Variants in ZNF496 observed in about 807,000 individuals in gnomAD.
The protein encoded by ZNF496 is NSD1 (nuclear receptor binding SET-domain containing 1)-interacting zinc finger protein 1.
ZNF496 carries 11 observed loss-of-function variants against 58.9 expected under a neutral mutation model. That is an observed-to-expected ratio of 0.19 (90% CI 0.12 to 0.31). The LOEUF (loss-of-function observed/expected upper bound fraction) is 0.31. ZNF496 is among the 10% of genes least tolerant of loss of function. The probability of loss-of-function intolerance (pLI) is 1.00; values close to 1 mark genes in which losing one functional copy is unlikely to be tolerated. For synonymous variants in ZNF496, 338 were observed against 318.2 expected, an observed-to-expected ratio of 1.06 and a Z score of -0.66; for missense variants, 660 against 783.0, an observed-to-expected ratio of 0.84 and a Z score of 1.88.
intron 6 of ZNF496, among the ~76,000 whole-genome samples, chr1:247,320,058 AT>A (rs1280671052): frequency 6.6e-6 from 1 of 152,272 alleles, no homozygotes; most frequent in Non-Finnish European, 1.5e-5. Context: ...GAAAAGCTAT[AT>A]TAACATCAGA....
intron 9 of ZNF496, chr1:247,307,800 C>CA: frequency 1.0e-6 from 1 of 985,384 alleles, no homozygotes; most frequent in Non-Finnish European, 1.2e-6. Context: ...AGGTAAGAAT[C>CA]AGAGGCTTGG....
rs543739631 is a variant in ZNF496, at chr1:247,312,079, T to G, written c.652-1623A>C. 11 of 152,338 alleles carry G rather than the reference T, an allele frequency of 7.2e-5. 1 individual carries two copies. In the East Asian group the frequency reaches 9.6e-4, roughly 13 times the overall value. 9.4% of individuals were successfully genotyped at this position (152,338 alleles called of 1,614,324 possible). A position where few individuals can be genotyped will look rare whatever the true frequency, so the allele number is the denominator to read the frequency against. ...TTCTCTCCTAAACAGGCTGGCTCAC[T>G]CTTACCAACATAGGCTGACAAATAT... is the stretch of plus-strand genomic sequence containing the variant. On this transcript the variant is annotated intron_variant, in intron 6 of 9. Transcript: ENST00000682384.
At chr1:247,307,315 G>A (rs1558437682) in intron 9 of ZNF496, 1 of 985,304 alleles carries the variant, frequency 1.0e-6, no homozygotes, top group Non-Finnish European at 1.2e-6. Flanking sequence ...AGCAACCCTT[G>A]GCTTCTGGCT....
Position 247,300,276 on chromosome 1 carries a change from A to G in ZNF496, c.*243T>C. 2 of 425,660 alleles carry G rather than the reference A, an allele frequency of 4.7e-6. No homozygotes were observed. Among genetic ancestry groups the G allele is most frequent in the Non-Finnish European group, 8.3e-6 (2 of 240,372 alleles). The allele number at this position is 425,660 out of a possible 1,614,324, so 26.4% of individuals were successfully genotyped here. A position where few individuals can be genotyped will look rare whatever the true frequency, so the allele number is the denominator to read the frequency against. ...AACACCTGGCATGTCCAACCTGGTG[A>G]TGGCACATCCCCCCCGTTTTTTGGC... On this transcript the variant is annotated 3_prime_UTR_variant, in exon 10 of 10. Transcript: ENST00000682384. This position sits in a 1 kb window ranked among gnomAD's most constrained non-coding sequence, Gnocchi z 5.7.
intron 9 of ZNF496, chr1:247,306,988 G>A: frequency 3.3e-6 from 2 of 605,606 alleles, no homozygotes; most frequent in Non-Finnish European, 4.1e-6. Context: ...GCAATGTTTA[G>A]GACATAAAGA....
rs1025627063 is a variant in ZNF496, at chr1:247,300,332, T to G, written c.*187A>C. On this transcript the variant is annotated 3_prime_UTR_variant, in exon 10 of 10. Coordinates refer to ENST00000682384, the MANE Select transcript of ZNF496 (RefSeq NM_032752.3). This position sits in a 1 kb window ranked among gnomAD's most constrained non-coding sequence, Gnocchi z 5.7. ...AGAAACAGAACACTCACTTGGCCAC[T>G]CTTTCATTACCTGGGGGAGGGAGAG... 10 of 565,028 alleles carry G rather than the reference T, an allele frequency of 1.8e-5. No individual in the cohort carries two copies. Among genetic ancestry groups the G allele is most frequent in the Non-Finnish European group, 2.9e-6 (1 of 345,294 alleles). 35.0% of individuals were successfully genotyped at this position (565,028 alleles called of 1,614,324 possible). A position where few individuals can be genotyped will look rare whatever the true frequency, so the allele number is the denominator to read the frequency against.
chr1:247,328,685 G>A lies in ZNF496; in HGVS notation c.572C>T (p.Pro191Leu). 1 of 1,581,360 alleles carries A rather than the reference G, an allele frequency of 6.3e-7. No homozygotes were observed. The highest frequency in any genetic ancestry group is 1.3e-5 in the African/African-American group (1 of 74,184). ...CTACACTCCCCTGGGCTGCATACCT[G>A]GGTCCCCGCTGAGCTGGCTTGGTGG... ...SRPPSQLSGD[P>L]VLQDAFLLQE... The change falls in exon 5 of 10, where the codon CCA becomes CTA. Residue 191 changes from proline to leucine, a missense_variant and splice_region_variant. Pro to Leu is a moderately conservative substitution (Grantham distance 98). Coordinates refer to ENST00000682384, the MANE Select transcript of ZNF496 (RefSeq NM_032752.3).
At chr1:247,321,489 G>A (rs10754544) in intron 6 of ZNF496, among the ~76,000 whole-genome samples, 60,800 of 151,920 alleles carry the variant, frequency 0.4, 12,386 homozygotes, top group Admixed American at 0.48. Context: ...CACACTTAAA[G>A]ACAGTTAAGA....
intron 6 of ZNF496, among the ~76,000 whole-genome samples, chr1:247,316,172 GCAC>G (rs1166932165): frequency 2.1e-5 from 3 of 145,886 alleles, no homozygotes; most frequent in East Asian, 4.0e-4. Context: ...GTGTGTGTGT[GCAC>G]GACTTCCTGG....
intron 6 of ZNF496, among the ~76,000 whole-genome samples, chr1:247,318,465 AG>A (rs1000325762): frequency 2.6e-5 from 4 of 152,384 alleles, no homozygotes; most frequent in African/African-American, 9.6e-5. Flanking sequence ...CTGAAGGCAA[AG>A]GAAGAAAAAA....
In ZNF496 at chr1:247,307,496, T is replaced by C. The variant is rs1659451970; in HGVS notation, c.1006+979A>G. 3.0e-6 allele frequency: 3 copies of C among 985,398 alleles called. No individual in the cohort carries two copies. The South Asian group carries it at 1.4e-4, about 46-fold the overall frequency. The allele number at this position is 985,398 out of a possible 1,614,324, so 61.0% of individuals were successfully genotyped here. A position where few individuals can be genotyped will look rare whatever the true frequency, so the allele number is the denominator to read the frequency against. On this transcript the variant is annotated intron_variant, in intron 9 of 9. Coordinates refer to ENST00000682384, the MANE Select transcript of ZNF496 (RefSeq NM_032752.3). ...CAAAGTGCACCACAAACATCAGGCC[T>C]GCGCTTGAACTCCAAGTGGACCCCA...
chr1:247,306,902 T>C (rs1296880610), intron 9 of ZNF496, among the ~76,000 whole-genome samples: 1 of 152,206 alleles, frequency 6.6e-6, no homozygotes, highest in Non-Finnish European at 1.5e-5. Context: ...AGAGACATCA[T>C]GCCACCTATC....
chr1:247,309,310 G>A lies in ZNF496; in HGVS notation c.892+389C>T. ...GCAGATGGGAAGACTAGACAGGTGA[G>A]GCACCTCAAAGGGCTGCGCTCGGTG... On this transcript the variant is annotated intron_variant, in intron 8 of 9. Coordinates refer to ENST00000682384, the MANE Select transcript of ZNF496 (RefSeq NM_032752.3). The surrounding 1 kb of genome is among the most constrained non-coding windows in gnomAD (Gnocchi z 4.3). The A allele has an allele frequency of 1.1e-6, 1 of 882,902 alleles. No homozygotes were observed. The allele number at this position is 882,902 out of a possible 1,614,324, so 54.7% of individuals were successfully genotyped here. A position where few individuals can be genotyped will look rare whatever the true frequency, so the allele number is the denominator to read the frequency against.
rs397983655 is a variant in ZNF496, at chr1:247,315,082, T to TAA, written c.652-4628_652-4627dup. On this transcript the variant is annotated intron_variant, in intron 6 of 9. Coordinates refer to ENST00000682384, the MANE Select transcript of ZNF496 (RefSeq NM_032752.3). ...AGTCTTTTTTTTTTTTTTTTTTTTT[T>TAA]AAAAAAAGCAAAAATATAGAGGGCA... is the stretch of plus-strand genomic sequence containing the variant. Among the ~76,000 whole-genome samples the TAA allele has an allele frequency of 7.2e-3, 883 of 122,822 alleles. 9 individuals carry two copies. Among genetic ancestry groups the TAA allele is most frequent in the African/African-American group, 0.023 (768 of 33,096 alleles). 80.6% of individuals were successfully genotyped at this position (122,822 alleles called of 152,430 possible). A position where few individuals can be genotyped will look rare whatever the true frequency, so the allele number is the denominator to read the frequency against.
Position 247,308,757 on chromosome 1 carries a change from C to T in ZNF496, c.893-169G>A. 5 of 598,324 alleles carry T rather than the reference C, an allele frequency of 8.4e-6. No homozygotes were observed. In the South Asian group the frequency reaches 9.8e-5, roughly 12 times the overall value. The allele number at this position is 598,324 out of a possible 1,614,324, so 37.1% of individuals were successfully genotyped here. A position where few individuals can be genotyped will look rare whatever the true frequency, so the allele number is the denominator to read the frequency against. On this transcript the variant is annotated intron_variant, in intron 8 of 9. Transcript: ENST00000682384. This position sits in a 1 kb window ranked among gnomAD's most constrained non-coding sequence, Gnocchi z 4.5. ...ATAAGTGTCTGCTGAGTGAATGAAC[C>T]TGAAGGCAAAATGGGCCAACTCCAC...
chr1:247,318,938 T>TA (rs74163750), intron 6 of ZNF496, among the ~76,000 whole-genome samples: 139,560 of 152,250 alleles, frequency 0.92, 64,929 homozygotes, highest in East Asian at 1. Context: ...TGCATTATAA[T>TA]GGGGAAGAAG....
chr1:247,307,206 C>A (rs1659442427), intron 9 of ZNF496: 1 of 985,322 alleles, frequency 1.0e-6, no homozygotes, highest in South Asian at 4.7e-5. Context: ...CCGGCATCAG[C>A]TGGCGGGAAA....
Position 247,310,374 on chromosome 1 carries a change from A to T in ZNF496, c.734T>A (p.Phe245Tyr), listed in dbSNP as rs1572077791. 2 of 1,614,182 alleles carry T rather than the reference A, an allele frequency of 1.2e-6. No individual in the cohort carries two copies. The highest frequency in any genetic ancestry group is 4.5e-5 in the East Asian group (2 of 44,882). ...WSLLDPAQTGFYGEFIIGEDY... is the reference protein window; with the variant it reads ...WSLLDPAQTGYYGEFIIGEDY... ...CTCCCCAATGATGAACTCTCCATAG[A>T]AGCCAGTCTGGGCAGGATCTAGAAG... The change falls in exon 7 of 10, where the codon TTC (phenylalanine) becomes TAC (tyrosine). Residue 245 changes from phenylalanine to tyrosine, a missense_variant. Transcript: ENST00000682384.
chr1:247,317,583 C>A (rs1346104961), intron 6 of ZNF496, among the ~76,000 whole-genome samples: 1 of 151,974 alleles, frequency 6.6e-6, no homozygotes, highest in African/African-American at 2.4e-5. Context: ...CCCCCCCCGC[C>A]ACCAGTGGAG....
Sources: gnomAD v4.1 joint callset for allele counts (sites outside exome capture counted in the v4.1 genomes callset) on GRCh38, gnomAD v4.1.1 for gene constraint, Gnocchi (gnomAD v3.1) non-coding constraint, MANE v1.5 for transcripts, NCBI Gene and HGNC (gene_info 2026-07-23, HGNC 2026-07-21) for gene names.